The following ODAD2 variants were observed in gnomAD, a reference collection of about 807,000 sequenced individuals.
ODAD2 encodes the protein outer dynein arm docking complex subunit 2.
ODAD2 carries 89 observed loss-of-function variants against 106.8 expected under a neutral mutation model. That is an observed-to-expected ratio of 0.83 (90% CI 0.70 to 0.99). The LOEUF (loss-of-function observed/expected upper bound fraction) is 0.99. ODAD2 is among the 50% of genes least tolerant of loss of function. ODAD2 has a pLI of 0.00. For missense variants in ODAD2, 1,168 were observed against 1,238.5 expected, an observed-to-expected ratio of 0.94 and a Z score of 0.85; for synonymous variants, 404 against 436.2, an observed-to-expected ratio of 0.93 and a Z score of 0.92.
chr10:27,985,420 T>C (rs1471752702), intron 3 of ODAD2, among the ~76,000 whole-genome samples: 2 of 152,238 alleles, frequency 1.3e-5, no homozygotes, highest in Non-Finnish European at 2.9e-5. Flanking sequence ...TGCTCTAGTT[T>C]GTATTGTAAC....
chr10:27,849,734 T>C (rs556005144), intron 19 of ODAD2, among the ~76,000 whole-genome samples: 2 of 152,282 alleles, frequency 1.3e-5, no homozygotes, highest in South Asian at 4.1e-4. Context: ...AACTTCTCTA[T>C]CATAGAGAAG....
chr10:27,842,216 C>A (rs773855572), intron 19 of ODAD2, among the ~76,000 whole-genome samples: 3 of 152,134 alleles, frequency 2.0e-5, no homozygotes, highest in Non-Finnish European at 4.4e-5. Context: ...GTTTTTGACC[C>A]GTCTCTTCTT....
At chr10:27,816,419 A>G (rs1055120876) in intron 19 of ODAD2, among the ~76,000 whole-genome samples, 3 of 152,116 alleles carry the variant, frequency 2.0e-5, no homozygotes, top group Non-Finnish European at 2.9e-5. Flanking sequence ...CCTTTTCTCC[A>G]GCATCGTTCA....
chr10:27,835,111 C>T (rs1487348315), intron 19 of ODAD2, among the ~76,000 whole-genome samples: 1 of 152,160 alleles, frequency 6.6e-6, no homozygotes, highest in Non-Finnish European at 1.5e-5. Flanking sequence ...GAGAACAAAA[C>T]CACTCTCAAG....
chr10:27,825,321 C>G (rs1316720540), intron 19 of ODAD2, among the ~76,000 whole-genome samples: 1 of 152,158 alleles, frequency 6.6e-6, no homozygotes, highest in Non-Finnish European at 1.5e-5. Flanking sequence ...TTTAAAGGTG[C>G]AGCCTAGCGA....
intron 17 of ODAD2, among the ~76,000 whole-genome samples, chr10:27,894,690 C>G (rs1468971997): frequency 1.3e-5 from 2 of 151,750 alleles, no homozygotes; most frequent in Non-Finnish European, 2.9e-5. Flanking sequence ...AATCCTCCCA[C>G]CTCAGTCTCC....
chr10:27,920,354 A>G (rs1377219043), intron 16 of ODAD2, among the ~76,000 whole-genome samples: 3 of 152,204 alleles, frequency 2.0e-5, no homozygotes, highest in Non-Finnish European at 4.4e-5. Flanking sequence ...GCGCTCTCAC[A>G]GTAAATAGTA....
At chr10:27,933,709 A>T (rs1473664127) in intron 16 of ODAD2, among the ~76,000 whole-genome samples, 1 of 152,250 alleles carries the variant, frequency 6.6e-6, no homozygotes, top group Non-Finnish European at 1.5e-5. Context: ...GCAAGTGTTT[A>T]TAAGATTCTA....
chr10:27,910,850 G>C (rs755032901), intron 16 of ODAD2, among the ~76,000 whole-genome samples: 1 of 152,132 alleles, frequency 6.6e-6, no homozygotes, highest in Non-Finnish European at 1.5e-5. Context: ...GCAAACCTTT[G>C]ATGAACAAAT....
chr10:27,965,673 G>C (rs1035173318), intron 9 of ODAD2, among the ~76,000 whole-genome samples: 4 of 152,042 alleles, frequency 2.6e-5, no homozygotes, highest in African/African-American at 9.7e-5. Flanking sequence ...AATGTATCTG[G>C]GTCCCCAGTA....
intron 16 of ODAD2, 93 bp from the exon 17 acceptor site, chr10:27,907,870 T>C: frequency 1.1e-6 from 1 of 909,034 alleles, no homozygotes; most frequent in South Asian, 1.7e-5. Flanking sequence ...TTTTTCTCCT[T>C]TTGATATTTT....
chr10:27,827,652 G>A (rs1032477403), intron 19 of ODAD2, among the ~76,000 whole-genome samples: 2 of 151,788 alleles, frequency 1.3e-5, no homozygotes, highest in East Asian at 1.9e-4. Context: ...CATCTCCAGG[G>A]ATATCATTTT....
At chr10:27,918,281 C>G (rs950036333) in intron 16 of ODAD2, among the ~76,000 whole-genome samples, 6 of 151,766 alleles carry the variant, frequency 4.0e-5, no homozygotes, top group Admixed American at 6.6e-5. Flanking sequence ...AAAATATCAG[C>G]AACATGAACG....
intron 19 of ODAD2, among the ~76,000 whole-genome samples, chr10:27,825,496 A>T (rs748332038): frequency 6.6e-6 from 1 of 152,216 alleles, no homozygotes; most frequent in Non-Finnish European, 1.5e-5. Context: ...CTGAACTCAG[A>T]AGTTGCTGGA....
intron 19 of ODAD2, among the ~76,000 whole-genome samples, chr10:27,840,424 T>C (rs1324676696): frequency 1.3e-5 from 2 of 152,220 alleles, no homozygotes; most frequent in African/African-American, 4.8e-5. Flanking sequence ...CAGCACATCA[T>C]GAACGCCCTT....
rs767652411 is a variant in ODAD2, at chr10:27,981,496, T to C, written c.906A>G (p.Ser302=). ...TAGACATATTTTCTGAAAATTTTGG[T>C]GATTTTTCTCTTAAAAATGTGACAA... is the stretch of plus-strand genomic sequence containing the variant. The part of the protein sequence containing the change: ...KNLVTFLREK[S]PKFSENMSKL... Residue 302 remains serine (S), a synonymous_variant, in exon 7 of 20, where the codon TCA becomes TCG. Coordinates refer to ENST00000305242, the MANE Select transcript of ODAD2 (RefSeq NM_018076.5). 5.3e-6 allele frequency: 8 copies of C among 1,521,906 alleles called. No individual in the cohort carries two copies. The Admixed American group carries it at 1.3e-4, about 25-fold the overall frequency. 94.3% of individuals were successfully genotyped at this position (1,521,906 alleles called of 1,614,324 possible). A position where few individuals can be genotyped will look rare whatever the true frequency, so the allele number is the denominator to read the frequency against.
chr10:27,885,526 A>ATATATATATATATATATATAT (rs1564465100), intron 17 of ODAD2, among the ~76,000 whole-genome samples: 2 of 13,112 alleles, frequency 1.5e-4, no homozygotes, highest in African/African-American at 4.1e-4. Context: ...AAAAAAAAAA[A>ATATATATATATATATATATAT]AAAAAAAATA....
chr10:27,866,386 G>T (rs1202267866), intron 17 of ODAD2, among the ~76,000 whole-genome samples: 1 of 152,158 alleles, frequency 6.6e-6, no homozygotes, highest in East Asian at 1.9e-4. Context: ...CATATACTTG[G>T]CTCAAATGAG....
At chr10:27,838,932 T>G (rs1838106165) in intron 19 of ODAD2, among the ~76,000 whole-genome samples, 1 of 152,222 alleles carries the variant, frequency 6.6e-6, no homozygotes, top group Non-Finnish European at 1.5e-5. Context: ...AAAGCGTCTT[T>G]CTTTGAAACC....
Sources: allele counts gnomAD v4.1 joint callset (sites outside exome capture counted in the v4.1 genomes callset), GRCh38; gene constraint gnomAD v4.1.1; transcripts MANE v1.5; gene names NCBI Gene and HGNC (gene_info 2026-07-23, HGNC 2026-07-21).